The following FOCAD variants were observed in gnomAD, a reference collection of about 807,000 sequenced individuals.
FOCAD encodes the protein KIAA1797.
Under a neutral mutation model 225.6 loss-of-function variants are expected in FOCAD, and 198 were observed. The observed-to-expected ratio is 0.88, with a 90% confidence interval of 0.78 to 0.99. The LOEUF is 0.99. FOCAD is among the 50% of genes least tolerant of loss of function. FOCAD has a pLI of 0.00. For synonymous variants in FOCAD, 897 were observed against 755.0 expected, an observed-to-expected ratio of 1.19 and a Z score of -3.08; for missense variants, 2,713 against 2,123.6, an observed-to-expected ratio of 1.28 and a Z score of -5.46.
rs1829697187 is a variant in FOCAD, at chr9:20,870,835, A to C, written c.2190+3823A>C. ...TTTTGTCTTCTGACATTTTCAACCT[A>C]CGATGGGTTTATTGGGACATAACCC... is the stretch of plus-strand genomic sequence containing the variant. On this transcript the variant is annotated intron_variant, in intron 18 of 43. Transcript: ENST00000338382. 2.0e-5 allele frequency among the ~76,000 whole-genome samples: 3 copies of C among 152,328 alleles called. No individual in the cohort carries two copies. In the East Asian group the frequency reaches 5.8e-4, roughly 29 times the overall value.
rs1005018386 is a variant in FOCAD at position 20,949,099 on chromosome 9, A to G, written c.3876+171A>G. On this transcript the variant is annotated intron_variant, in intron 32 of 43. Coordinates refer to ENST00000338382, the MANE Select transcript of FOCAD (RefSeq NM_001375567.1). Reference sequence around the variant, plus strand: ...TATGAATAATTGCACTTAACCAAGGATTATTTCTATAGAGGTTTGTTCTTT... The same window carrying G: ...TATGAATAATTGCACTTAACCAAGGGTTATTTCTATAGAGGTTTGTTCTTT... Among the ~76,000 whole-genome samples, 4 of 152,178 alleles carry G rather than the reference A, an allele frequency of 2.6e-5. No homozygotes were observed. In the South Asian group the frequency reaches 6.2e-4, roughly 24 times the overall value.
At chr9:20,684,119 G>GACGCGCGT (rs1379580016), upstream of FOCAD, 1 of 152,344 alleles carries the variant, frequency 6.6e-6, no homozygotes. Context: ...CCGGGCCTTA[G>GACGCGCGT]ACGCGCGTGC....
At chr9:20,717,943 T>C in intron 3 of FOCAD, 75 bp downstream of exon 3, 2 of 1,121,420 alleles carry the variant, frequency 1.8e-6, no homozygotes, top group East Asian at 4.8e-5. Flanking sequence ...GCACCTGTCT[T>C]GTTTCCCTGA....
At chr9:20,682,876 T>C (rs1184556602), upstream of FOCAD, among the ~76,000 whole-genome samples, 1 of 152,174 alleles carries the variant, frequency 6.6e-6, no homozygotes, top group Non-Finnish European at 1.5e-5. Context: ...GTTCAAGCGA[T>C]TCTCCTGCCT....
At chr9:20,919,383 T>C (rs575749278) in intron 24 of FOCAD, among the ~76,000 whole-genome samples, 1 of 152,258 alleles carries the variant, frequency 6.6e-6, no homozygotes, top group East Asian at 1.9e-4. Flanking sequence ...AAAATGGCCA[T>C]ACTGCCCAAG....
intron 30 of FOCAD, 58 bp from the exon 31 acceptor site, chr9:20,948,213 C>G: frequency 6.7e-7 from 1 of 1,487,908 alleles, no homozygotes; most frequent in Non-Finnish European, 9.1e-7. Context: ...TATAAACATT[C>G]TAAATCTGTG....
intron 19 of FOCAD, 171 bp downstream of exon 19, chr9:20,874,978 G>A: frequency 1.3e-6 from 1 of 795,626 alleles, no homozygotes; most frequent in East Asian, 2.7e-5. Context: ...GTAGTATGGT[G>A]TTTAAATCAT....
intron 4 of FOCAD, among the ~76,000 whole-genome samples, chr9:20,725,211 A>G (rs1031318468): frequency 6.6e-6 from 1 of 152,188 alleles, no homozygotes; most frequent in African/African-American, 2.4e-5. Context: ...AATGCAGGGA[A>G]TGACTTTGGG....
At chr9:20,729,898 T>C (rs1826530490) in intron 4 of FOCAD, among the ~76,000 whole-genome samples, 1 of 152,158 alleles carries the variant, frequency 6.6e-6, no homozygotes, top group Admixed American at 6.6e-5. Context: ...ATTGTGGTGG[T>C]GGGATACTGC....
intron 1 of FOCAD, among the ~76,000 whole-genome samples, chr9:20,687,176 G>T (rs1822718931): frequency 6.6e-6 from 1 of 152,124 alleles, no homozygotes; most frequent in East Asian, 1.9e-4. Context: ...GTTCATGAAA[G>T]AAAACATTTC....
rs1196910239 is a variant in FOCAD, at chr9:20,948,944, A to G, written c.3876+16A>G. ...TGTAATGCAGGTAAAGAAAGGAACCATGGAGGGGAAGACATCTAAATATGT... is the reference window on the plus strand; with the variant it reads ...TGTAATGCAGGTAAAGAAAGGAACCGTGGAGGGGAAGACATCTAAATATGT... On this transcript the variant is annotated intron_variant, in intron 32 of 43. Coordinates refer to ENST00000338382, the MANE Select transcript of FOCAD (RefSeq NM_001375567.1). 3 of 1,610,650 alleles carry G rather than the reference A, an allele frequency of 1.9e-6. No homozygotes were observed. The highest frequency in any genetic ancestry group is 1.7e-5 in the Admixed American group (1 of 59,956).
intron 14 of FOCAD, among the ~76,000 whole-genome samples, chr9:20,822,683 T>G (rs931577562): frequency 1.3e-5 from 2 of 152,082 alleles, no homozygotes; most frequent in Non-Finnish European, 2.9e-5. Context: ...TTCAGTTCTT[T>G]TTACCATTAT....
chr9:20,854,277 T>C (rs1328366329), intron 15 of FOCAD, among the ~76,000 whole-genome samples: 1 of 151,766 alleles, frequency 6.6e-6, no homozygotes, highest in Non-Finnish European at 1.5e-5. Flanking sequence ...AAGGAAAGGC[T>C]CTGATTCTTC....
intron 9 of FOCAD, among the ~76,000 whole-genome samples, chr9:20,780,963 A>G (rs1011626671): frequency 6.6e-6 from 1 of 152,230 alleles, no homozygotes; most frequent in African/African-American, 2.4e-5. Context: ...CAAGGCTTGT[A>G]GAATTTTTGC....
In FOCAD at chr9:20,862,614, C is replaced by G. The variant is rs748932050; in HGVS notation, c.1957C>G (p.Pro653Ala). ...TCGCTCCACTTGGAATGCTCTCTCT[C>G]CAAAGCTGAGTTGTGACACAAGACC... ...CIRSTWNALS[P>A]KLSCDTRPLI... Residue 653 changes from proline (P) to alanine (A), a missense_variant, in exon 16 of 44, where the codon CCA becomes GCA. Pro to Ala is a conservative substitution (Grantham distance 27). Transcript: ENST00000338382. 4 of 1,613,452 alleles carry G rather than the reference C, an allele frequency of 2.5e-6. No homozygotes were observed. The highest frequency in any genetic ancestry group is 1.3e-5 in the African/African-American group (1 of 75,004).
intron 15 of FOCAD, among the ~76,000 whole-genome samples, chr9:20,841,687 T>G (rs530133630): frequency 6.6e-6 from 1 of 152,030 alleles, no homozygotes; most frequent in African/African-American, 2.4e-5. Flanking sequence ...CAGTTTTGTT[T>G]ATCTTTTCAA....
At chr9:20,846,437 A>AAACT (rs1364270273) in intron 15 of FOCAD, among the ~76,000 whole-genome samples, 1 of 152,110 alleles carries the variant, frequency 6.6e-6, no homozygotes, top group African/African-American at 2.4e-5. Context: ...CTCCAGCCCC[A>AAACT]AACTGTTTTA....
chr9:20,862,407 A>G (rs1828853029), intron 15 of FOCAD, among the ~76,000 whole-genome samples, 171 bp from the exon 16 acceptor site: 1 of 152,120 alleles, frequency 6.6e-6, no homozygotes, highest in Admixed American at 6.6e-5. Context: ...AACAGTTTAC[A>G]CTGGTTTAAG....
intron 7 of FOCAD, 49 bp from the exon 8 acceptor site, chr9:20,769,983 C>G (rs769982049): frequency 2.0e-6 from 3 of 1,507,418 alleles, no homozygotes; most frequent in Non-Finnish European, 2.7e-6. Context: ...TTAAAATTAT[C>G]TTTTGGTTTG....
Sources: allele counts gnomAD v4.1 joint callset (sites outside exome capture counted in the v4.1 genomes callset), GRCh38; gene constraint gnomAD v4.1.1; transcripts MANE v1.5; gene names NCBI Gene and HGNC (gene_info 2026-07-23, HGNC 2026-07-21).